Variants in ZFYVE26 observed in about 807,000 individuals in gnomAD.
ZFYVE26 encodes zinc finger FYVE domain-containing protein 26.
Under a neutral mutation model 276.5 loss-of-function variants are expected in ZFYVE26, and 181 were observed. That is an observed-to-expected ratio of 0.65 (90% CI 0.58 to 0.74). The LOEUF (loss-of-function observed/expected upper bound fraction) is 0.74. ZFYVE26 is among the 30% of genes least tolerant of loss of function. ZFYVE26 has a pLI of 0.00. For missense variants in ZFYVE26, 2,821 were observed against 3,097.9 expected (o/e 0.91, Z 2.12); for synonymous variants, 1,129 against 1,203.1 (o/e 0.94, Z 1.27).
intron 3 of ZFYVE26, among the ~76,000 whole-genome samples, chr14:67,812,888 T>C (rs2040331841): frequency 6.6e-6 from 1 of 152,222 alleles, no homozygotes; most frequent in Non-Finnish European, 1.5e-5. Context: ...AGTTTTCTCT[T>C]TTAAATCTGA....
intron 16 of ZFYVE26, among the ~76,000 whole-genome samples, chr14:67,787,579 C>G (rs929955493): frequency 6.6e-6 from 1 of 151,936 alleles, no homozygotes; most frequent in Non-Finnish European, 1.5e-5. Context: ...TCATATACTC[C>G]ATAAATACAT....
In ZFYVE26 at chr14:67,756,116, G is replaced by A. The variant is rs2038772797; in HGVS notation, c.6618C>T (p.Gly2206=). 6.2e-7 allele frequency: 1 copy of A among 1,614,186 alleles called. No individual in the cohort carries two copies. The highest frequency in any genetic ancestry group is 8.5e-7 in the Non-Finnish European group (1 of 1,180,006). ...CACTTTTATAGCTTGGTTGGAAAAT[G>A]CCTTCTATAAAAACTTCTGGAGGAC... ...KESPPEVFIE[G]IFQPSYKSGK... Residue 2206 remains glycine, a synonymous_variant, in exon 36 of 42, where the codon GGC becomes GGT. Coordinates refer to ENST00000347230, the MANE Select transcript of ZFYVE26 (RefSeq NM_015346.4).
rs770465995 is a variant in ZFYVE26, at chr14:67,729,290, C to A, written n.3209G>T. Reference sequence around the variant, plus strand: ...TGCCTGCTCTGGCGGCTCTTCTCCCCCTTTGTCAAGACGGCACGGGAGGGG... The same window carrying A: ...TGCCTGCTCTGGCGGCTCTTCTCCCACTTTGTCAAGACGGCACGGGAGGGG... On this transcript the variant is annotated non_coding_transcript_exon_variant, in exon 14 of 15. Transcript: ENST00000394455. 5.6e-6 allele frequency: 9 copies of A among 1,604,512 alleles called. No homozygotes were observed. Among genetic ancestry groups the A allele is most frequent in the Admixed American group, 1.7e-5 (1 of 60,018 alleles).
Position 67,783,079 on chromosome 14 carries a change from C to G in ZFYVE26, c.4073G>C (p.Arg1358Pro). ...AAEQVARECE[R>P]LLEQFPLFEA... The stretch of plus-strand genomic sequence containing the variant: ...AAACAGAGGGAATTGTTCCAGAAGG[C>G]GCTCACACTCCCGGGCTACCTGCTC... The change falls in exon 21 of 42, where the codon CGC becomes CCC. Residue 1358 changes from arginine (R) to proline (P), a missense_variant. Physicochemically the swap from Arg to Pro is moderately radical, Grantham distance 103. Transcript: ENST00000347230. The G allele has an allele frequency of 6.2e-7, 1 of 1,613,768 alleles. No homozygotes were observed. Among genetic ancestry groups the G allele is most frequent in the Middle Eastern group, 1.7e-4 (1 of 6,060 alleles).
intron 35 of ZFYVE26, among the ~76,000 whole-genome samples, chr14:67,758,227 T>C (rs967680368): frequency 1.6e-4 from 24 of 152,134 alleles, no homozygotes; most frequent in African/African-American, 5.8e-4. Flanking sequence ...ACATTCATAG[T>C]GGGTGAGGGT....
intron 13 of ZFYVE26, among the ~76,000 whole-genome samples, chr14:67,738,005 A>G (rs2038371613): frequency 6.6e-6 from 1 of 152,262 alleles, no homozygotes; most frequent in Non-Finnish European, 1.5e-5. Context: ...TAACCTGACC[A>G]GTGATCAGAG....
chr14:67,748,394 C>T lies in ZFYVE26; in HGVS notation c.*42G>A. 6.2e-7 allele frequency: 1 copy of T among 1,602,018 alleles called. No individual in the cohort carries two copies. Among genetic ancestry groups the T allele is most frequent in the South Asian group, 1.1e-5 (1 of 90,560 alleles). On this transcript the variant is annotated 3_prime_UTR_variant, in exon 42 of 42. Transcript: ENST00000347230. ...GAGGGCATCGCCATCACTGCTGTTG[C>T]CCAGCTCTCAGGCCACGTGTTCCTG...
chr14:67,793,862 T>C, intron 13 of ZFYVE26, 103 bp from the exon 14 acceptor site: 1 of 1,492,770 alleles, frequency 6.7e-7, no homozygotes, highest in South Asian at 1.2e-5. Flanking sequence ...TCAATGTCCT[T>C]CTGTAAAAGG....
At chr14:67,758,813 T>A (rs1000959697) in intron 35 of ZFYVE26, among the ~76,000 whole-genome samples, 13 of 151,978 alleles carry the variant, frequency 8.6e-5, no homozygotes, top group Non-Finnish European at 8.8e-5. Context: ...TTTTTGTAGT[T>A]TTTAGTAAAG....
Position 67,777,618 on chromosome 14 carries a change from A to G in ZFYVE26, c.4915T>C (p.Tyr1639His), listed in dbSNP as rs774897541. The change falls in exon 25 of 42, where the codon TAT (tyrosine) becomes CAT (histidine). Residue 1639 changes from tyrosine (Y) to histidine (H), a missense_variant. Tyr to His is a moderately conservative substitution (Grantham distance 83). Coordinates refer to ENST00000347230, the MANE Select transcript of ZFYVE26 (RefSeq NM_015346.4). ...TGTCGGACAGCAGTCAGTTGTCCAT[A>G]GAAGTGGGTGGTGAGGTAGTTGGCC... ...FLANYLTTHF[Y>H]GQLTAVRHRE... 2 of 1,614,132 alleles carry G rather than the reference A, an allele frequency of 1.2e-6. No homozygotes were observed. Among genetic ancestry groups the G allele is most frequent in the South Asian group, 1.1e-5 (1 of 91,074 alleles).
chr14:67,797,920 G>A (rs1176931086), intron 11 of ZFYVE26, 94 bp downstream of exon 11: 2 of 1,601,866 alleles, frequency 1.2e-6, no homozygotes, highest in African/African-American at 1.3e-5. Context: ...CTGAGTTATG[G>A]GGTGACTCCT....
chr14:67,800,187 T>C (rs2040048658), intron 10 of ZFYVE26, among the ~76,000 whole-genome samples: 1 of 152,252 alleles, frequency 6.6e-6, no homozygotes. Flanking sequence ...GATAGTTAAG[T>C]TCTGGGGGCT....
At chr14:67,779,501 G>A (rs1477673180) in intron 23 of ZFYVE26, among the ~76,000 whole-genome samples, 1 of 152,180 alleles carries the variant, frequency 6.6e-6, no homozygotes, top group East Asian at 1.9e-4. Flanking sequence ...GGCGGAGGTT[G>A]CAGTGAGCCA....
chr14:67,748,890 C>A (rs542199704), intron 41 of ZFYVE26, among the ~76,000 whole-genome samples: 32 of 152,354 alleles, frequency 2.1e-4, no homozygotes, highest in African/African-American at 7.7e-4. Flanking sequence ...GGCAGGCCAG[C>A]AGGCAGTTTG....
At chr14:67,729,596 G>A (rs1566849777) in exon 14 of ZFYVE26, 2 of 637,350 alleles carry the variant, frequency 3.1e-6, no homozygotes, top group South Asian at 1.8e-5. Flanking sequence ...TTTTATACTC[G>A]TGTGCCGCTT....
rs952926455 is a variant in ZFYVE26, at chr14:67,807,437, C to A, written c.847G>T (p.Val283Phe). The A allele has an allele frequency of 6.2e-6, 10 of 1,614,054 alleles. No homozygotes were observed. Among genetic ancestry groups the A allele is most frequent in the African/African-American group, 1.3e-5 (1 of 74,920 alleles). ...GTAGCCCTCGGTGGCTTTTCTGTGA[C>A]CTTCTCTGCATAGGTATGGCCATAC... is the stretch of plus-strand genomic sequence containing the variant. ...SLYGHTYAEK[V>F]TEKPPRATAS... The change falls in exon 5 of 42, where the codon GTC becomes TTC. Residue 283 changes from valine to phenylalanine, a missense_variant. By Grantham distance (50) the Val-to-Phe change is conservative. Coordinates refer to ENST00000347230, the MANE Select transcript of ZFYVE26 (RefSeq NM_015346.4).
intron 13 of ZFYVE26, among the ~76,000 whole-genome samples, chr14:67,741,255 G>A (rs1194885419): frequency 6.6e-6 from 1 of 152,164 alleles, no homozygotes; most frequent in African/African-American, 2.4e-5. Flanking sequence ...AATGTTTAGG[G>A]TATCAGGTTA....
chr14:67,786,825 G>A (rs75686073), intron 16 of ZFYVE26, among the ~76,000 whole-genome samples: 6,932 of 152,242 alleles, frequency 0.046, 317 homozygotes, highest in African/African-American at 0.12. Flanking sequence ...AAGAAAATGT[G>A]ATACATATAC....
chr14:67,742,966 A>C (rs2038434501), downstream of ZFYVE26, among the ~76,000 whole-genome samples: 1 of 150,030 alleles, frequency 6.7e-6, no homozygotes, highest in Non-Finnish European at 1.5e-5. Flanking sequence ...CAGCCTCCCG[A>C]GTAGCTGGTA....
Sources: allele counts gnomAD v4.1 joint callset (sites outside exome capture counted in the v4.1 genomes callset), GRCh38; gene constraint gnomAD v4.1.1; transcripts MANE v1.5; gene names NCBI Gene and HGNC (gene_info 2026-07-23, HGNC 2026-07-21).